Variants in ZNF473 observed in about 807,000 individuals in gnomAD.
ZNF473 encodes the protein zinc finger protein 473.
In ZNF473, 4 loss-of-function variants were observed where a neutral mutation model predicts 11.1. The observed-to-expected ratio is 0.36, with a 90% confidence interval of 0.18 to 0.82. ZNF473 has a LOEUF of 0.82. ZNF473 is among the 40% of genes least tolerant of loss of function. The pLI, the probability that ZNF473 is intolerant of heterozygous loss-of-function variation, is 0.49. For missense variants in ZNF473, 854 were observed against 1,084.0 expected, an observed-to-expected ratio of 0.79 and a Z score of 2.98; for synonymous variants, 404 against 390.4, an observed-to-expected ratio of 1.03 and a Z score of -0.41.
Position 50,045,237 on chromosome 19 carries a change from A to G in ZNF473, c.794A>G (p.Tyr265Cys), listed in dbSNP as rs1425595618. ...AAAACTCACACGGGCTACAAATTCT[A>G]TGTGTGTAATGAATATGGGACAACT... Reference protein sequence around the residue: ...YPKTHTGYKFYVCNEYGTTFS... With the variant: ...YPKTHTGYKFCVCNEYGTTFS... The change falls in exon 5 of 5, where the codon TAT becomes TGT. Residue 265 changes from tyrosine (Y) to cysteine (C), a missense_variant. By Grantham distance (194) the Tyr-to-Cys change is radical. This residue lies in a region of ZNF473 where 668 missense variants were observed against 790.2 expected (regional missense o/e 0.85). Transcript: ENST00000270617. 3.7e-6 allele frequency: 6 copies of G among 1,614,166 alleles called. No homozygotes were observed. The highest frequency in any genetic ancestry group is 2.2e-5 in the South Asian group (2 of 91,082).
chr19:50,039,191 G>A lies in ZNF473; in HGVS notation c.40G>A (p.Asp14Asn), dbSNP rs1312398303. The A allele has an allele frequency of 6.2e-7, 1 of 1,614,042 alleles. No homozygotes were observed. The highest frequency in any genetic ancestry group is 8.5e-7 in the Non-Finnish European group (1 of 1,180,020). ...TGTGACCCTCAAGGATGTCGGCATG[G>A]ACTTCACCTTGGGAGACTGGGAGCA... ...EFVTLKDVGM[D>N]FTLGDWEQLG... Residue 14 changes from aspartate to asparagine, a missense_variant, in exon 3 of 5, where the codon GAC becomes AAC. Transcript: ENST00000270617. The surrounding 1 kb of genome is among the most constrained non-coding windows in gnomAD (Gnocchi z 4.8).
intron 2 of ZNF473, among the ~76,000 whole-genome samples, chr19:50,032,269 C>T (rs997494918): frequency 6.6e-6 from 1 of 151,120 alleles, no homozygotes; most frequent in Non-Finnish European, 1.5e-5. Context: ...TCCTGCTTGG[C>T]TGCTACTCTT....
Position 50,046,909 on chromosome 19 carries a change from T to G in ZNF473, c.2466T>G (p.Ala822=). The change falls in exon 5 of 5, where the codon GCT becomes GCG. Residue 822 remains alanine (A), a synonymous_variant. Coordinates refer to ENST00000270617, the MANE Select transcript of ZNF473 (RefSeq NM_015428.4). This position sits in a 1 kb window ranked among gnomAD's most constrained non-coding sequence, Gnocchi z 5.9. ...ACTCCTGTAATGTGTGTGGCAAAGC[T>G]TTTGTCCTCAGTGCCCATCTCAACC... ...KPYSCNVCGK[A]FVLSAHLNQH... is the part of the protein sequence containing the mutation. The G allele has an allele frequency of 6.2e-7, 1 of 1,614,188 alleles. No individual in the cohort carries two copies. The highest frequency in any genetic ancestry group is 8.5e-7 in the Non-Finnish European group (1 of 1,180,028).
At chr19:50,033,421 G>C (rs2077327670) in intron 2 of ZNF473, among the ~76,000 whole-genome samples, 1 of 152,052 alleles carries the variant, frequency 6.6e-6, no homozygotes, top group Admixed American at 6.5e-5. Flanking sequence ...ATCATTGTAT[G>C]GTCTCTGTCT....
Position 50,046,589 on chromosome 19 carries a change from T to G in ZNF473, c.2146T>G (p.Cys716Gly), listed in dbSNP as rs1482494185. 6.2e-7 allele frequency: 1 copy of G among 1,614,260 alleles called. No individual in the cohort carries two copies. Among genetic ancestry groups the G allele is most frequent in the Admixed American group, 1.7e-5 (1 of 60,026 alleles). Residue 716 changes from cysteine to glycine, a missense_variant, in exon 5 of 5, where the codon TGC becomes GGC. This residue lies in a region of ZNF473 where 186 missense variants were observed against 293.8 expected (regional missense o/e 0.63). Transcript: ENST00000270617. This position sits in a 1 kb window ranked among gnomAD's most constrained non-coding sequence, Gnocchi z 5.9. ...ECGKTFRQSS[C>G]LSKHQRIHSG... is the part of the protein sequence containing the mutation. Reference sequence around the variant, plus strand: ...CGGGAAAACGTTCCGTCAGAGCTCATGCCTTTCTAAGCATCAGAGAATTCA... The same window carrying G: ...CGGGAAAACGTTCCGTCAGAGCTCAGGCCTTTCTAAGCATCAGAGAATTCA...
Position 50,031,010 on chromosome 19 carries a change from A to C in ZNF473, c.-73A>C, listed in dbSNP as rs1399109507. The stretch of plus-strand genomic sequence containing the variant: ...TTCTCACAGCTCCCTTGTGCTTCCC[A>C]CAGCCCTGCCAGCCGGGAACACGGA... On this transcript the variant is annotated 5_prime_UTR_variant, in exon 2 of 5. Coordinates refer to ENST00000270617, the MANE Select transcript of ZNF473 (RefSeq NM_015428.4). 6.5e-7 allele frequency: 1 copy of C among 1,550,042 alleles called. No homozygotes were observed. The highest frequency in any genetic ancestry group is 1.9e-4 in the Middle Eastern group (1 of 5,348).
rs1455231095 is a variant in ZNF473 at position 50,047,154 on chromosome 19, G to A, written c.*95G>A. Reference sequence around the variant, plus strand: ...ATTGCAAGTTTCTCTCCAAATAAATGCATCTAAAGATTGATTAGAAAGTTT... The same window carrying A: ...ATTGCAAGTTTCTCTCCAAATAAATACATCTAAAGATTGATTAGAAAGTTT... On this transcript the variant is annotated 3_prime_UTR_variant, in exon 5 of 5. Coordinates refer to ENST00000270617, the MANE Select transcript of ZNF473 (RefSeq NM_015428.4). 2.9e-6 allele frequency: 3 copies of A among 1,037,040 alleles called. No homozygotes were observed. In the African/African-American group the frequency reaches 4.8e-5, roughly 17 times the overall value. 64.2% of individuals were successfully genotyped at this position (1,037,040 alleles called of 1,614,324 possible). A position where few individuals can be genotyped will look rare whatever the true frequency, so the allele number is the denominator to read the frequency against.
rs199846092 is a variant in ZNF473, at chr19:50,030,978, G to A, written c.-105G>A. The A allele has an allele frequency of 2.3e-4, 342 of 1,506,544 alleles. 2 individuals are homozygous for A. In the Middle Eastern group the frequency reaches 3.3e-3, roughly 14 times the overall value. 93.3% of individuals were successfully genotyped at this position (1,506,544 alleles called of 1,614,324 possible). A position where few individuals can be genotyped will look rare whatever the true frequency, so the allele number is the denominator to read the frequency against. On this transcript the variant is annotated 5_prime_UTR_variant, in exon 2 of 5. Coordinates refer to ENST00000270617, the MANE Select transcript of ZNF473 (RefSeq NM_015428.4). ...ACAGCGAGTCAGCCATGGGTGGAAGGGAGGCTTTCTCACAGCTCCCTTGTG... is the reference window on the plus strand; with the variant it reads ...ACAGCGAGTCAGCCATGGGTGGAAGAGAGGCTTTCTCACAGCTCCCTTGTG...
Position 50,039,052 on chromosome 19 carries a change from G to A in ZNF473, c.10-109G>A. 1 of 1,404,318 alleles carries A rather than the reference G, an allele frequency of 7.1e-7. No homozygotes were observed. The highest frequency in any genetic ancestry group is 9.9e-7 in the Non-Finnish European group (1 of 1,014,670). The allele number at this position is 1,404,318 out of a possible 1,614,324, so 87.0% of individuals were successfully genotyped here. A position where few individuals can be genotyped will look rare whatever the true frequency, so the allele number is the denominator to read the frequency against. On this transcript the variant is annotated intron_variant, in intron 2 of 4. Transcript: ENST00000270617. The surrounding 1 kb of genome is among the most constrained non-coding windows in gnomAD (Gnocchi z 4.8). ...ATTCTTGTGAGGCTGAGGATGGGAT[G>A]GTTTTTGCCAAAGCCCTGGCAGATT...
chr19:50,044,952 T>G lies in ZNF473; in HGVS notation c.509T>G (p.Val170Gly). 6.2e-7 allele frequency: 1 copy of G among 1,614,178 alleles called. No individual in the cohort carries two copies. Among genetic ancestry groups the G allele is most frequent in the Non-Finnish European group, 8.5e-7 (1 of 1,180,040 alleles). ...GTTTCCACGGGAGAAGATTCCATGG[T>G]GCATAATGTTTCTGAAAAGACCCTC... ...STVSTGEDSM[V>G]HNVSEKTLTP... The change falls in exon 5 of 5, where the codon GTG becomes GGG. Residue 170 changes from valine (V) to glycine (G), a missense_variant. Physicochemically the swap from Val to Gly is moderately radical, Grantham distance 109. Coordinates refer to ENST00000270617, the MANE Select transcript of ZNF473 (RefSeq NM_015428.4).
chr19:50,028,872 G>A (rs2077301697), intron 1 of ZNF473, among the ~76,000 whole-genome samples: 1 of 152,164 alleles, frequency 6.6e-6, no homozygotes, highest in African/African-American at 2.4e-5. Context: ...CCTCTGACAT[G>A]TAGAAAAACT....
In ZNF473 at chr19:50,041,730, A is replaced by AC; in HGVS notation, c.143dup (p.Arg49LysfsTer12). 6.2e-7 allele frequency: 1 copy of AC among 1,602,606 alleles called. No individual in the cohort carries two copies. The highest frequency in any genetic ancestry group is 8.5e-7 in the Non-Finnish European group (1 of 1,175,914). ...TGACAATGCTTTTCTCTCCCTGCAG[A>AC]CCCCCCAAGACCCAACCTGACCTCC... On this transcript the variant is annotated frameshift_variant and splice_region_variant, in exon 4 of 5. Coordinates refer to ENST00000270617, the MANE Select transcript of ZNF473 (RefSeq NM_015428.4). LOFTEE classifies it high-confidence loss of function.
chr19:50,033,746 C>T (rs548995958), intron 2 of ZNF473, among the ~76,000 whole-genome samples: 2 of 152,298 alleles, frequency 1.3e-5, no homozygotes, highest in African/African-American at 2.4e-5. Flanking sequence ...CCTTGCCTCT[C>T]CCAGCTTCTG....
At chr19:50,038,379 A>C (rs1181337358) in intron 2 of ZNF473, among the ~76,000 whole-genome samples, 2 of 151,982 alleles carry the variant, frequency 1.3e-5, no homozygotes, top group African/African-American at 4.8e-5. Context: ...CTGGTACCTA[A>C]AGCGGACCTG....
chr19:50,045,430 T>C lies in ZNF473; in HGVS notation c.987T>C (p.Phe329=), dbSNP rs10419043. Residue 329 remains phenylalanine (F), a synonymous_variant, in exon 5 of 5, where the codon TTT becomes TTC. Transcript: ENST00000270617. ...ACTGTAACGAATGCGGCAAGGCTTT[T>C]ACCCGGATCTTCCACCTTACTCGGC... ...SYNCNECGKA[F]TRIFHLTRHQ... 15,915 of 1,614,062 alleles carry C rather than the reference T, an allele frequency of 9.9e-3. 1,369 individuals carry two copies. The African/African-American group carries it at 0.19, about 19-fold the overall frequency.
intron 1 of ZNF473, among the ~76,000 whole-genome samples, chr19:50,029,704 C>T (rs1246535623): frequency 6.6e-6 from 1 of 152,148 alleles, no homozygotes; most frequent in Non-Finnish European, 1.5e-5. Flanking sequence ...ATGAAAATAA[C>T]TAGGTGGGCA....
At chr19:50,042,322 A>G (rs1978820239) in intron 4 of ZNF473, 1 of 152,496 alleles carries the variant, frequency 6.6e-6, no homozygotes, top group Admixed American at 6.5e-5. Context: ...GGGTTCCTCC[A>G]GGTGGATCAG....
intron 2 of ZNF473, among the ~76,000 whole-genome samples, chr19:50,036,079 C>T (rs1978418525): frequency 6.6e-6 from 1 of 151,950 alleles, no homozygotes; most frequent in African/African-American, 2.4e-5. Flanking sequence ...ACCTCAGCCT[C>T]CCGAGTAGCT....
At position 50,040,421 on chromosome 19, in the gene ZNF473, C is replaced by T. The variant is rs921171716; in HGVS notation, c.136+1134C>T. 1.3e-5 allele frequency: 2 copies of T among 152,272 alleles called. 1 individual carries two copies. Among genetic ancestry groups the T allele is most frequent in the South Asian group, 4.1e-4 (2 of 4,832 alleles). 9.4% of individuals were successfully genotyped at this position (152,272 alleles called of 1,614,324 possible). ...TGGCACATTCCAAAATTCCAGCCCC[C>T]CAGAAGGAAAGCAGGTGTAAGCCAC... On this transcript the variant is annotated intron_variant, in intron 3 of 4. Coordinates refer to ENST00000270617, the MANE Select transcript of ZNF473 (RefSeq NM_015428.4).
Sources: allele counts gnomAD v4.1 joint callset (sites outside exome capture counted in the v4.1 genomes callset), GRCh38; gene constraint gnomAD v4.1.1; regional missense constraint gnomAD v4.1.1; non-coding constraint Gnocchi (gnomAD v3.1); transcripts MANE v1.5; gene names NCBI Gene and HGNC (gene_info 2026-07-23, HGNC 2026-07-21).